ROBO2: variants seen among roughly 807,000 people sequenced by gnomAD.
ROBO2 encodes the protein roundabout guidance receptor 2, also known as roundabout homolog 2.
A neutral mutation model predicts 160.8 loss-of-function variants in ROBO2; 53 were observed. The ratio of observed to expected loss-of-function variants is 0.33; its 90% CI spans 0.26 to 0.41. The LOEUF is 0.41. Among genes scored for constraint, ROBO2 ranks in the 10% least tolerant of loss-of-function variants. ROBO2 has a pLI of 1.00. For synonymous variants in ROBO2, 664 were observed against 611.7 expected (o/e 1.09, Z -1.26); for missense variants, 1,577 against 1,722.4 (o/e 0.92, Z 1.49).
chr3:76,939,191 C>A (rs928084062), intron 2 of ROBO2, among the ~76,000 whole-genome samples: 2 of 152,002 alleles, frequency 1.3e-5, no homozygotes, highest in Non-Finnish European at 2.9e-5. Flanking sequence ...AGGAATTGCC[C>A]CATACTTAGC....
chr3:76,464,456 C>T (rs984958068), intron 2 of ROBO2, among the ~76,000 whole-genome samples: 4 of 152,040 alleles, frequency 2.6e-5, no homozygotes, highest in Non-Finnish European at 5.9e-5. Context: ...TCTCCTAATC[C>T]TACCCCTAAG....
chr3:76,402,286 G>A (rs137907922), intron 2 of ROBO2, among the ~76,000 whole-genome samples: 144 of 151,572 alleles, frequency 9.5e-4, no homozygotes, highest in African/African-American at 3.1e-3. Context: ...GTAAACACTG[G>A]GTTGCCATAT....
intron 2 of ROBO2, among the ~76,000 whole-genome samples, chr3:77,426,427 A>G (rs191824257): frequency 5.3e-5 from 8 of 152,270 alleles, no homozygotes; most frequent in Non-Finnish European, 8.8e-5. Flanking sequence ...GAAGGTTAAG[A>G]TGCTTCAGAG....
intron 2 of ROBO2, among the ~76,000 whole-genome samples, chr3:76,548,449 T>A (rs770654970): frequency 9.9e-5 from 15 of 151,832 alleles, no homozygotes; most frequent in Non-Finnish European, 1.9e-4. Flanking sequence ...TGAGAATGGG[T>A]AAGAGAGGGA....
At chr3:77,297,304 T>G (rs2062235282) in intron 2 of ROBO2, among the ~76,000 whole-genome samples, 1 of 152,120 alleles carries the variant, frequency 6.6e-6, no homozygotes, top group Non-Finnish European at 1.5e-5. Context: ...CCTTAGGTGG[T>G]TCTAACATTT....
intron 2 of ROBO2, among the ~76,000 whole-genome samples, chr3:76,029,448 G>A (rs1181322161): frequency 6.6e-6 from 1 of 152,018 alleles, no homozygotes; most frequent in Non-Finnish European, 1.5e-5. Flanking sequence ...CATGTGCCAT[G>A]TTGGTGTGCT....
At chr3:76,711,517 G>A (rs866826619) in intron 2 of ROBO2, among the ~76,000 whole-genome samples, 1 of 152,142 alleles carries the variant, frequency 6.6e-6, no homozygotes, top group Non-Finnish European at 1.5e-5. Flanking sequence ...CAAAGGGAAA[G>A]GTGATTAGGC....
chr3:76,772,348 G>GA (rs146493417), intron 2 of ROBO2, among the ~76,000 whole-genome samples: 2,976 of 150,118 alleles, frequency 0.02, 99 homozygotes, highest in African/African-American at 0.067. Context: ...TGAACAGTAA[G>GA]AAAAATATAT....
intron 2 of ROBO2, among the ~76,000 whole-genome samples, chr3:76,381,220 G>T (rs2108555115): frequency 6.6e-6 from 1 of 152,128 alleles, no homozygotes; most frequent in African/African-American, 2.4e-5. Context: ...TGAAATTATT[G>T]TTCATGAAAA....
chr3:77,039,948 C>A, exon 1 of ROBO2: 2 of 254,924 alleles, frequency 7.8e-6, no homozygotes, highest in Admixed American at 6.5e-5. Context: ...CGCGCCCGGG[C>A]TGGGCTCTCA....
At chr3:76,802,574 G>A (rs929619351) in intron 2 of ROBO2, among the ~76,000 whole-genome samples, 1 of 151,530 alleles carries the variant, frequency 6.6e-6, no homozygotes, top group Admixed American at 6.6e-5. Context: ...TAAAAATACA[G>A]AAAAATTAGC....
chr3:75,930,089 G>T (rs1947471047), intron 1 of ROBO2, among the ~76,000 whole-genome samples: 1 of 152,164 alleles, frequency 6.6e-6, no homozygotes, highest in South Asian at 2.1e-4. Flanking sequence ...CACATGAAAG[G>T]ACCATTACGA....
chr3:76,966,668 T>C (rs140857768), intron 2 of ROBO2, among the ~76,000 whole-genome samples: 46 of 152,342 alleles, frequency 3.0e-4, no homozygotes, highest in African/African-American at 1.1e-3. Flanking sequence ...TCCTGCCAAC[T>C]ATGTGACTTC....
chr3:77,291,513 A>G (rs1292015381), intron 2 of ROBO2, among the ~76,000 whole-genome samples: 1 of 151,732 alleles, frequency 6.6e-6, no homozygotes, highest in East Asian at 1.9e-4. Flanking sequence ...AGTAAAATTG[A>G]TGGTTAAAAG....
chr3:76,199,101 T>G (rs777486575), intron 2 of ROBO2, among the ~76,000 whole-genome samples: 78 of 152,294 alleles, frequency 5.1e-4, no homozygotes, highest in Non-Finnish European at 9.0e-4. Flanking sequence ...GCCTCAGTTC[T>G]TTTGCAACAG....
intron 2 of ROBO2, among the ~76,000 whole-genome samples, chr3:77,183,691 A>G (rs906810491): frequency 2.6e-5 from 4 of 152,020 alleles, no homozygotes; most frequent in African/African-American, 9.7e-5. Flanking sequence ...GCCAACTACT[A>G]CAATAGAGAT....
intron 2 of ROBO2, among the ~76,000 whole-genome samples, chr3:76,612,989 C>T (rs1430573955): frequency 6.6e-6 from 1 of 151,982 alleles, no homozygotes; most frequent in African/African-American, 2.4e-5. Context: ...AAGTGCATTT[C>T]TTGTAGGCAA....
chr3:77,117,905 C>T (rs924591342), intron 2 of ROBO2, among the ~76,000 whole-genome samples: 2 of 152,154 alleles, frequency 1.3e-5, no homozygotes, highest in Non-Finnish European at 2.9e-5. Flanking sequence ...CATTTTCACA[C>T]ATTCTCTTGA....
intron 1 of ROBO2, among the ~76,000 whole-genome samples, chr3:77,092,546 AAT>A (rs1196500946): frequency 6.8e-6 from 1 of 147,834 alleles, no homozygotes. Flanking sequence ...AGAGAGAAAG[AAT>A]ATATATAGTT....
Sources: allele counts gnomAD v4.1 joint callset (sites outside exome capture counted in the v4.1 genomes callset), GRCh38; gene constraint gnomAD v4.1.1; transcripts MANE v1.5; gene names NCBI Gene and HGNC (gene_info 2026-07-23, HGNC 2026-07-21).